FAM169A: variants seen among roughly 807,000 people sequenced by gnomAD.
FAM169A encodes soluble lamin-associated protein of 75 kDa.
FAM169A carries 24 observed loss-of-function variants against 75.7 expected under a neutral mutation model. The ratio of observed to expected loss-of-function variants is 0.32; its 90% confidence interval spans 0.23 to 0.45. The LOEUF (loss-of-function observed/expected upper bound fraction) is 0.45, where lower values mean the gene tolerates loss of function less well. Ranked by LOEUF, FAM169A falls within the 20% of genes least tolerant of loss-of-function variation. The probability of loss-of-function intolerance (pLI) is 1.00; values close to 1 mark genes in which losing one functional copy is unlikely to be tolerated. For synonymous variants in FAM169A, 271 were observed against 271.0 expected, an observed-to-expected ratio of 1.00 and a Z score of 0.00; for missense variants, 673 against 784.0, an observed-to-expected ratio of 0.86 and a Z score of 1.69.
rs533591048 is a variant in FAM169A at position 74,825,238 on chromosome 5, T to C, written c.490+9188A>G. On this transcript the variant is annotated intron_variant, in intron 5 of 12. Coordinates refer to ENST00000687041, the MANE Select transcript of FAM169A (RefSeq NM_001376049.1). ...TGAACTCTATCTTCTTAAATCAACGTCCCAGAGCTTTGTGATCTGCTCCAA... is the reference window on the plus strand; with the variant it reads ...TGAACTCTATCTTCTTAAATCAACGCCCCAGAGCTTTGTGATCTGCTCCAA... 6.6e-5 allele frequency among the ~76,000 whole-genome samples: 10 copies of C among 152,240 alleles called. No homozygotes were observed. The East Asian group carries it at 1.5e-3, about 23-fold the overall frequency.
intron 5 of FAM169A, among the ~76,000 whole-genome samples, chr5:74,826,116 A>G (rs976450739): frequency 6.6e-6 from 1 of 151,700 alleles, no homozygotes; most frequent in Non-Finnish European, 1.5e-5. Flanking sequence ...TTTCTGATCA[A>G]CCTCCTCCAA....
chr5:74,809,783 G>A (rs1364690958), intron 6 of FAM169A, among the ~76,000 whole-genome samples: 1 of 152,166 alleles, frequency 6.6e-6, no homozygotes, highest in African/African-American at 2.4e-5. Flanking sequence ...CACATAATGA[G>A]TGCTTTCCAC....
At chr5:74,799,657 GC>G in intron 10 of FAM169A, 1 of 1,341,754 alleles carries the variant, frequency 7.5e-7, no homozygotes, top group Non-Finnish European at 1.1e-6. Context: ...CCTGGCCTGG[GC>G]CAGCCACGAC....
At chr5:74,833,703 T>A (rs1475921630) in intron 5 of FAM169A, among the ~76,000 whole-genome samples, 1 of 152,166 alleles carries the variant, frequency 6.6e-6, no homozygotes, top group Non-Finnish European at 1.5e-5. Context: ...GAAAGGTCTT[T>A]TGGTCAAGGT....
chr5:74,780,858 A>T lies in FAM169A; in HGVS notation c.*602T>A, dbSNP rs1318136659. The T allele has an allele frequency of 1.3e-5, 2 of 152,322 alleles. No individual in the cohort carries two copies. The highest frequency in any genetic ancestry group is 2.9e-5 in the Non-Finnish European group (2 of 68,110). 9.4% of individuals were successfully genotyped at this position (152,322 alleles called of 1,614,324 possible). A position where few individuals can be genotyped will look rare whatever the true frequency, so the allele number is the denominator to read the frequency against. ...GTACCTTTCCATAGATAGTGAAGTC[A>T]AAGGAAAAAACTGCATCTATATCTA... On this transcript the variant is annotated 3_prime_UTR_variant, in exon 13 of 13. Transcript: ENST00000687041.
chr5:74,805,209 T>C lies in FAM169A; in HGVS notation c.746A>G (p.Tyr249Cys), dbSNP rs1397327795. 6.2e-7 allele frequency: 1 copy of C among 1,613,346 alleles called. No individual in the cohort carries two copies. The highest frequency in any genetic ancestry group is 1.7e-5 in the Admixed American group (1 of 60,018). Residue 249 changes from tyrosine to cysteine, a missense_variant, in exon 7 of 13, where the codon TAC becomes TGC. Around this residue, in one of 3 missense-constraint regions of FAM169A, gnomAD observed 510 missense variants for 550.9 expected, o/e 0.93. Transcript: ENST00000687041. Reference protein sequence around the residue: ...LWEVEGVGHWYQRIPVTRALQ... With the variant: ...LWEVEGVGHWCQRIPVTRALQ... ...TGCTCTGGTGACTGGTATTCGCTGGTACCAGTGTCCAACACCTTCAACTTC... is the reference window on the plus strand; with the variant it reads ...TGCTCTGGTGACTGGTATTCGCTGGCACCAGTGTCCAACACCTTCAACTTC...
At chr5:74,804,248 T>G (rs1215129448) in intron 8 of FAM169A, among the ~76,000 whole-genome samples, 2 of 152,136 alleles carry the variant, frequency 1.3e-5, no homozygotes, top group Non-Finnish European at 2.9e-5. Context: ...TTCTATATTA[T>G]TTTATGTTTA....
At position 74,777,806 on chromosome 5, in the gene FAM169A, C is replaced by T. The variant is rs1745198038; in HGVS notation, c.*3654G>A. On this transcript the variant is annotated 3_prime_UTR_variant, in exon 13 of 13. Transcript: ENST00000687041. The stretch of plus-strand genomic sequence containing the variant: ...TAAAAAAAAATAAAAACCAAGAAAA[C>T]AAACATAGGTACTCCAGTAAGACTT... 1 of 151,604 alleles carries T rather than the reference C, an allele frequency of 6.6e-6. No homozygotes were observed. The highest frequency in any genetic ancestry group is 1.5e-5 in the Non-Finnish European group (1 of 67,778). 9.4% of individuals were successfully genotyped at this position (151,604 alleles called of 1,614,324 possible).
chr5:74,822,358 A>T (rs777579503), intron 5 of FAM169A, among the ~76,000 whole-genome samples: 4 of 152,220 alleles, frequency 2.6e-5, no homozygotes, highest in Non-Finnish European at 4.4e-5. Context: ...TGTAACAGTG[A>T]CTGGAAAATA....
chr5:74,802,169 T>A (rs1746614926), intron 8 of FAM169A, among the ~76,000 whole-genome samples: 1 of 152,198 alleles, frequency 6.6e-6, no homozygotes, highest in South Asian at 2.1e-4. Context: ...TCACATGTAA[T>A]CAATCACAAA....
chr5:74,860,499 C>G (rs1311693697), intron 1 of FAM169A, among the ~76,000 whole-genome samples: 3 of 152,132 alleles, frequency 2.0e-5, no homozygotes, highest in Admixed American at 2.0e-4. Context: ...CATTCTTACT[C>G]CTCTTGACCT....
chr5:74,849,886 G>A (rs1490757251), intron 1 of FAM169A, among the ~76,000 whole-genome samples: 1 of 152,164 alleles, frequency 6.6e-6, no homozygotes, highest in Non-Finnish European at 1.5e-5. Flanking sequence ...CCTCAACACT[G>A]TTCAGCAATC....
At chr5:74,817,897 T>C (rs551532636) in intron 5 of FAM169A, among the ~76,000 whole-genome samples, 89 of 152,122 alleles carry the variant, frequency 5.9e-4, no homozygotes, top group Non-Finnish European at 9.7e-4. Context: ...CCAAGACAAT[T>C]CTATGGAGGA....
intron 1 of FAM169A, among the ~76,000 whole-genome samples, chr5:74,852,158 C>G (rs1303654702): frequency 3.3e-5 from 5 of 152,140 alleles, no homozygotes; most frequent in African/African-American, 2.4e-5. Context: ...ACTACCCGAC[C>G]AAACTCCCTA....
At position 74,778,386 on chromosome 5, in the gene FAM169A, GA is replaced by G. The variant is rs1344760243; in HGVS notation, c.*3073del. ...AGCAGAACATAAGAGCAGATATTTA[GA>G]TATTAGTACAGGCTCAATTTGATGC... On this transcript the variant is annotated 3_prime_UTR_variant, in exon 13 of 13. Transcript: ENST00000687041. 6.6e-6 allele frequency: 1 copy of G among 152,010 alleles called. No homozygotes were observed. Among genetic ancestry groups the G allele is most frequent in the African/African-American group, 2.4e-5 (1 of 41,434 alleles). The allele number at this position is 152,010 out of a possible 1,614,324, so 9.4% of individuals were successfully genotyped here. A position where few individuals can be genotyped will look rare whatever the true frequency, so the allele number is the denominator to read the frequency against.
Position 74,834,590 on chromosome 5 carries a change from G to A in FAM169A, c.326C>T (p.Thr109Ile). Residue 109 changes from threonine (T) to isoleucine (I), a missense_variant, in exon 5 of 13, where the codon ACT becomes ATT. By Grantham distance (89) the Thr-to-Ile change is moderately conservative. Around this residue, in one of 3 missense-constraint regions of FAM169A, gnomAD observed 107 missense variants for 180.8 expected, o/e 0.59. Coordinates refer to ENST00000687041, the MANE Select transcript of FAM169A (RefSeq NM_001376049.1). ...ATACAGAACCACTCTCTCCCCAAGA[G>A]TGCTCACCTACAAAGAGAGTCAAAC... is the stretch of plus-strand genomic sequence containing the variant. Reference protein sequence around the residue: ...PSREGLKQVSTLGERVVLYVL... With the variant: ...PSREGLKQVSILGERVVLYVL... The A allele has an allele frequency of 6.4e-7, 1 of 1,552,568 alleles. No individual in the cohort carries two copies. The highest frequency in any genetic ancestry group is 8.7e-7 in the Non-Finnish European group (1 of 1,153,976).
intron 2 of FAM169A, among the ~76,000 whole-genome samples, chr5:74,841,336 A>C (rs1748851516): frequency 1.3e-5 from 2 of 152,234 alleles, no homozygotes. Flanking sequence ...ATATAATTTT[A>C]AAGCCATAAA....
intron 5 of FAM169A, among the ~76,000 whole-genome samples, chr5:74,830,182 A>G (rs574737114): frequency 6.6e-6 from 1 of 152,164 alleles, no homozygotes; most frequent in South Asian, 2.1e-4. Flanking sequence ...CAACAACATA[A>G]AAAGAGAGGA....
rs779870588 is a variant in FAM169A at position 74,840,052 on chromosome 5, T to TA, written c.232+21dup. 11 of 1,299,486 alleles carry TA rather than the reference T, an allele frequency of 8.5e-6. No homozygotes were observed. In the African/African-American group the frequency reaches 1.1e-4, roughly 12 times the overall value. 80.5% of individuals were successfully genotyped at this position (1,299,486 alleles called of 1,614,324 possible). A position where few individuals can be genotyped will look rare whatever the true frequency, so the allele number is the denominator to read the frequency against. Reference sequence around the variant, plus strand: ...GTTTGGAGAAAAATTCCTTAATTTATAAAAATTAAGCAAAAAGAGACCTGT... The same window carrying TA: ...GTTTGGAGAAAAATTCCTTAATTTATAAAAAATTAAGCAAAAAGAGACCTGT... On this transcript the variant is annotated intron_variant, in intron 3 of 12. Transcript: ENST00000687041.
Sources: gnomAD v4.1 joint callset for allele counts (sites outside exome capture counted in the v4.1 genomes callset) on GRCh38, gnomAD v4.1.1 for gene constraint, gnomAD v4.1.1 regional missense constraint, MANE v1.5 for transcripts, NCBI Gene and HGNC (gene_info 2026-07-23, HGNC 2026-07-21) for gene names.